Variants in RFX3 observed in about 807,000 individuals in gnomAD.
RFX3 encodes the protein regulatory factor X3.
In RFX3, 14 loss-of-function variants were observed where a neutral mutation model predicts 98.6. The observed-to-expected ratio is 0.14, with a 90% CI of 0.09 to 0.22. The LOEUF (loss-of-function observed/expected upper bound fraction) is 0.22, where lower values mean the gene tolerates loss of function less well. Among genes scored for constraint, RFX3 ranks in the 10% least tolerant of loss-of-function variants. The pLI is 1.00. For synonymous variants in RFX3, 383 were observed against 328.4 expected, an observed-to-expected ratio of 1.17 and a Z score of -1.80; for missense variants, 639 against 926.9, an observed-to-expected ratio of 0.69 and a Z score of 4.03.
chr9:3,394,035 T>C (rs1156985586), intron 2 of RFX3, among the ~76,000 whole-genome samples: 2 of 152,174 alleles, frequency 1.3e-5, no homozygotes, highest in Admixed American at 1.3e-4. Flanking sequence ...AGCAATAGAT[T>C]GAAACATGTA....
At chr9:3,236,046 G>A (rs1268017653) in intron 15 of RFX3, among the ~76,000 whole-genome samples, 10 of 151,892 alleles carry the variant, frequency 6.6e-5, no homozygotes, top group East Asian at 5.8e-4. Flanking sequence ...CATCCAACCC[G>A]ATTAAGCTAT....
chr9:3,319,528 C>G (rs1831014114), intron 4 of RFX3, among the ~76,000 whole-genome samples: 2 of 152,104 alleles, frequency 1.3e-5, no homozygotes, highest in African/African-American at 2.4e-5. Context: ...CTATCCAATC[C>G]TGCCCAATCT....
At chr9:3,270,658 A>T in intron 10 of RFX3, 133 bp from the exon 11 acceptor site, 1 of 853,710 alleles carries the variant, frequency 1.2e-6, no homozygotes, top group Non-Finnish European at 1.8e-6. Flanking sequence ...GGTGCCATAC[A>T]GCTGGCTATA....
intron 15 of RFX3, among the ~76,000 whole-genome samples, chr9:3,236,377 C>T (rs1165444505): frequency 6.6e-6 from 1 of 152,076 alleles, no homozygotes; most frequent in African/African-American, 2.4e-5. Context: ...ATTGAGGAAA[C>T]CAAAATATAC....
chr9:3,267,605 A>T (rs1348870834), intron 11 of RFX3, among the ~76,000 whole-genome samples: 1 of 151,916 alleles, frequency 6.6e-6, no homozygotes, highest in Non-Finnish European at 1.5e-5. Flanking sequence ...TTGGTTAGGA[A>T]AAACACTCAA....
At chr9:3,252,571 T>C (rs575620067) in intron 14 of RFX3, among the ~76,000 whole-genome samples, 1 of 152,286 alleles carries the variant, frequency 6.6e-6, no homozygotes, top group East Asian at 1.9e-4. Context: ...AACTGCTTGC[T>C]GTTTTCAAAG....
At chr9:3,247,820 A>T in intron 15 of RFX3, 1 of 1,606,496 alleles carries the variant, frequency 6.2e-7, no homozygotes, top group Non-Finnish European at 8.5e-7. Context: ...GAACTTTCAC[A>T]TGATATAATC....
At chr9:3,456,180 T>C (rs907982569) in intron 1 of RFX3, among the ~76,000 whole-genome samples, 4 of 152,208 alleles carry the variant, frequency 2.6e-5, no homozygotes, top group Non-Finnish European at 5.9e-5. Context: ...TCGAATAGTA[T>C]CACATTGGCC....
Position 3,504,918 on chromosome 9 carries a change from TAAC to T in RFX3, c.-9+20826_-9+20828del, listed in dbSNP as rs1253442236. 3.4e-4 allele frequency among the ~76,000 whole-genome samples: 24 copies of T among 70,516 alleles called. 1 individual carries two copies. Among genetic ancestry groups the T allele is most frequent in the African/African-American group, 1.7e-3 (24 of 14,368 alleles). 46.3% of individuals were successfully genotyped at this position (70,516 alleles called of 152,430 possible). A position where few individuals can be genotyped will look rare whatever the true frequency, so the allele number is the denominator to read the frequency against. On this transcript the variant is annotated intron_variant, in intron 1 of 16. Transcript: ENST00000617270. ...ACATATATTATATATATATATAATA[TAAC>T]ATATATTATATATAATATATATAAT...
At chr9:3,358,307 T>C (rs191753075) in intron 2 of RFX3, among the ~76,000 whole-genome samples, 1 of 152,160 alleles carries the variant, frequency 6.6e-6, no homozygotes, top group Non-Finnish European at 1.5e-5. Context: ...CTTGTCTTTA[T>C]GTCTGTGAAA....
At chr9:3,512,601 C>G (rs1345595606) in intron 1 of RFX3, among the ~76,000 whole-genome samples, 1 of 151,822 alleles carries the variant, frequency 6.6e-6, no homozygotes, top group Non-Finnish European at 1.5e-5. Context: ...TTAATCTTTT[C>G]TATATACAAT....
intron 3 of RFX3, among the ~76,000 whole-genome samples, chr9:3,338,452 C>T (rs1833459936): frequency 6.6e-6 from 1 of 152,164 alleles, no homozygotes; most frequent in African/African-American, 2.4e-5. Flanking sequence ...GTACAGCATA[C>T]TGGAATCATT....
At chr9:3,521,939 G>C (rs1818758048) in intron 1 of RFX3, among the ~76,000 whole-genome samples, 1 of 151,950 alleles carries the variant, frequency 6.6e-6, no homozygotes, top group African/African-American at 2.4e-5. Context: ...GAATTGATAA[G>C]TGTTTTGTGA....
rs1413318513 is a variant in RFX3, at chr9:3,224,002, A to T, written c.*1040T>A. 6.6e-6 allele frequency: 1 copy of T among 152,172 alleles called. No homozygotes were observed. Among genetic ancestry groups the T allele is most frequent in the Non-Finnish European group, 1.5e-5 (1 of 68,032 alleles). The allele number at this position is 152,172 out of a possible 1,614,324, so 9.4% of individuals were successfully genotyped here. On this transcript the variant is annotated 3_prime_UTR_variant, in exon 17 of 17. Transcript: ENST00000617270. ...CTTTAGAAACCAGGAAATAGTTTTG[A>T]AGGAAATAACGTTATGTAGGTTGCT... is the stretch of plus-strand genomic sequence containing the variant.
At chr9:3,348,773 CT>C (rs145107393) in intron 2 of RFX3, among the ~76,000 whole-genome samples, 3,218 of 152,102 alleles carry the variant, frequency 0.021, 117 homozygotes, top group African/African-American at 0.073. Flanking sequence ...TCCTAGCAAT[CT>C]TTTTTTCTTG....
At chr9:3,347,841 A>G (rs1242042943) in intron 2 of RFX3, among the ~76,000 whole-genome samples, 5 of 152,190 alleles carry the variant, frequency 3.3e-5, no homozygotes, top group African/African-American at 1.2e-4. Flanking sequence ...AAACAAAGGA[A>G]TTCCAGAGAT....
intron 2 of RFX3, among the ~76,000 whole-genome samples, chr9:3,369,995 ATTTTTTT>A (rs71324244): frequency 0.1 from 13,624 of 132,574 alleles, 739 homozygotes; most frequent in African/African-American, 0.15. Context: ...CGCCCGGCTA[ATTTTTTT>A]TTTTTTTTTT....
intron 4 of RFX3, among the ~76,000 whole-genome samples, chr9:3,311,012 T>C (rs929386642): frequency 3.9e-5 from 6 of 152,292 alleles, no homozygotes; most frequent in Middle Eastern, 6.8e-3. Context: ...CAATAAAAAG[T>C]TTTAACTAGA....
intron 2 of RFX3, among the ~76,000 whole-genome samples, chr9:3,372,833 A>T (rs999088880): frequency 6.6e-6 from 1 of 152,026 alleles, no homozygotes; most frequent in African/African-American, 2.4e-5. Flanking sequence ...TGATCCGCCC[A>T]ACTTGGCATC....
Sources: allele counts gnomAD v4.1 joint callset (sites outside exome capture counted in the v4.1 genomes callset), GRCh38; gene constraint gnomAD v4.1.1; transcripts MANE v1.5; gene names NCBI Gene and HGNC (gene_info 2026-07-23, HGNC 2026-07-21).